Variants in AUTS2 observed in about 807,000 individuals in gnomAD.
The protein encoded by AUTS2 is autism susceptibility gene 2 protein.
In AUTS2, 17 loss-of-function variants were observed where a neutral mutation model predicts 112.4. That is an observed-to-expected ratio of 0.15 (90% CI 0.10 to 0.23). The LOEUF (loss-of-function observed/expected upper bound fraction) is 0.23, where lower values mean the gene tolerates loss of function less well. AUTS2 is among the 10% of genes least tolerant of loss of function. The pLI, the probability that AUTS2 is intolerant of heterozygous loss-of-function variation, is 1.00. For synonymous variants in AUTS2, 751 were observed against 702.7 expected (o/e 1.07, Z -1.09); for missense variants, 1,510 against 1,701.6 (o/e 0.89, Z 1.98).
intron 5 of AUTS2, among the ~76,000 whole-genome samples, chr7:70,619,668 T>A (rs1332752316): frequency 6.6e-6 from 1 of 152,040 alleles, no homozygotes; most frequent in Admixed American, 6.6e-5. Flanking sequence ...GACCCTTATG[T>A]AATAATTAGC....
chr7:70,645,380 C>T (rs1240307154), intron 5 of AUTS2, among the ~76,000 whole-genome samples: 1 of 152,046 alleles, frequency 6.6e-6, no homozygotes, highest in East Asian at 1.9e-4. Context: ...TGAGAAGTGT[C>T]ACGGTGGGGC....
chr7:70,654,819 G>A (rs764160650), intron 5 of AUTS2, among the ~76,000 whole-genome samples: 7 of 152,130 alleles, frequency 4.6e-5, no homozygotes, highest in Non-Finnish European at 1.0e-4. Context: ...TTCTCTCAGT[G>A]GGATATTTAG....
At chr7:69,747,994 A>C (rs1787575468) in intron 1 of AUTS2, among the ~76,000 whole-genome samples, 1 of 152,078 alleles carries the variant, frequency 6.6e-6, no homozygotes, top group Admixed American at 6.6e-5. Flanking sequence ...TAATTAAAAA[A>C]ATTTCAAAGC....
At chr7:69,856,431 T>G (rs1792722909) in intron 1 of AUTS2, among the ~76,000 whole-genome samples, 1 of 152,206 alleles carries the variant, frequency 6.6e-6, no homozygotes, top group Non-Finnish European at 1.5e-5. Context: ...TTATTAAAAA[T>G]TAACACCTGA....
intron 4 of AUTS2, among the ~76,000 whole-genome samples, chr7:70,407,698 T>A (rs1312703758): frequency 2.0e-5 from 3 of 151,700 alleles, no homozygotes. Context: ...GTAGGAGGAT[T>A]GCTTGAGCCC....
At chr7:69,840,221 C>T (rs1033511899) in intron 1 of AUTS2, among the ~76,000 whole-genome samples, 1 of 152,148 alleles carries the variant, frequency 6.6e-6, no homozygotes, top group Non-Finnish European at 1.5e-5. Flanking sequence ...ATAAAGAAAT[C>T]TCTTTGTATT....
At chr7:70,557,297 G>A (rs527262985) in intron 5 of AUTS2, among the ~76,000 whole-genome samples, 74 of 152,174 alleles carry the variant, frequency 4.9e-4, no homozygotes, top group Middle Eastern at 3.4e-3. Context: ...GAAGACCCTC[G>A]GGGTCTCCAG....
At chr7:70,424,526 TATA>T (rs902621023) in intron 4 of AUTS2, among the ~76,000 whole-genome samples, 1 of 152,174 alleles carries the variant, frequency 6.6e-6, no homozygotes, top group Non-Finnish European at 1.5e-5. Flanking sequence ...AGGGTGGTAG[TATA>T]ATACTTTCTT....
chr7:70,324,953 G>A (rs1390166651), intron 4 of AUTS2, among the ~76,000 whole-genome samples: 1 of 152,166 alleles, frequency 6.6e-6, no homozygotes, highest in Non-Finnish European at 1.5e-5. Flanking sequence ...AGCCCACTCT[G>A]GCTTACCCTC....
chr7:69,973,466 G>A (rs1407843075), intron 2 of AUTS2, among the ~76,000 whole-genome samples: 2 of 152,150 alleles, frequency 1.3e-5, no homozygotes, highest in African/African-American at 2.4e-5. Flanking sequence ...CTCATGCGGT[G>A]TGAACTAAGA....
intron 4 of AUTS2, among the ~76,000 whole-genome samples, chr7:70,428,345 G>T (rs1795516426): frequency 6.6e-6 from 1 of 152,126 alleles, no homozygotes; most frequent in Admixed American, 6.5e-5. Context: ...ATGAGCAAAG[G>T]ATTGGGCAGC....
At chr7:70,147,212 A>G (rs963833357) in intron 4 of AUTS2, among the ~76,000 whole-genome samples, 2 of 151,932 alleles carry the variant, frequency 1.3e-5, no homozygotes, top group Admixed American at 1.3e-4. Context: ...CCATCTAGGC[A>G]ATATCTCTTA....
chr7:70,731,934 A>G (rs1238746301), intron 6 of AUTS2, among the ~76,000 whole-genome samples: 1 of 152,150 alleles, frequency 6.6e-6, no homozygotes, highest in African/African-American at 2.4e-5. Flanking sequence ...TTTCATAACC[A>G]CAGTACAGCT....
At chr7:70,124,800 A>T (rs1173860335) in intron 3 of AUTS2, among the ~76,000 whole-genome samples, 3 of 152,120 alleles carry the variant, frequency 2.0e-5, no homozygotes, top group Non-Finnish European at 4.4e-5. Context: ...TGACCTCGTG[A>T]TCCGCCCGCC....
At chr7:70,065,540 A>T (rs901272256) in intron 2 of AUTS2, among the ~76,000 whole-genome samples, 3 of 152,038 alleles carry the variant, frequency 2.0e-5, no homozygotes, top group Non-Finnish European at 4.4e-5. Flanking sequence ...CTGAAAATAC[A>T]AAAAATTTAG....
At chr7:69,995,127 C>T (rs2094145521) in intron 2 of AUTS2, among the ~76,000 whole-genome samples, 1 of 152,164 alleles carries the variant, frequency 6.6e-6, no homozygotes, top group Admixed American at 6.5e-5. Flanking sequence ...AGAGCCACCA[C>T]TGATGGATCA....
rs145488175 is a variant in AUTS2, at chr7:70,706,447, G to A, written c.742+7827G>A. Among the ~76,000 whole-genome samples the A allele has an allele frequency of 5.9e-5, 9 of 152,300 alleles. No individual in the cohort carries two copies. In the South Asian group the frequency reaches 6.2e-4, roughly 11 times the overall value. Reference sequence around the variant, plus strand: ...GCAGAAGAGAAGAGGGATCCACAGGGATCCACAGGGCCTTGGAAGGAAGGG... The same window carrying A: ...GCAGAAGAGAAGAGGGATCCACAGGAATCCACAGGGCCTTGGAAGGAAGGG... On this transcript the variant is annotated intron_variant, in intron 6 of 18. Coordinates refer to ENST00000342771, the MANE Select transcript of AUTS2 (RefSeq NM_015570.4).
chr7:70,431,343 A>C (rs1795659984), intron 4 of AUTS2, among the ~76,000 whole-genome samples: 1 of 152,182 alleles, frequency 6.6e-6, no homozygotes. Context: ...TTACCTAAGG[A>C]TTGTAGATTT....
chr7:70,256,171 C>A (rs542934943), intron 4 of AUTS2, among the ~76,000 whole-genome samples: 12 of 152,290 alleles, frequency 7.9e-5, no homozygotes, highest in African/African-American at 2.9e-4. Context: ...ATCCTGATTA[C>A]CTTCATGGGG....
Sources: gnomAD v4.1 joint callset for allele counts (sites outside exome capture counted in the v4.1 genomes callset) on GRCh38, gnomAD v4.1.1 for gene constraint, MANE v1.5 for transcripts, NCBI Gene and HGNC (gene_info 2026-07-23, HGNC 2026-07-21) for gene names.